Variants in LPAR1 observed in about 807,000 individuals in gnomAD.
The protein encoded by LPAR1 is LPA receptor 1.
Under a neutral mutation model 23.8 loss-of-function variants are expected in LPAR1, and 5 were observed. That is an observed-to-expected ratio of 0.21 (90% CI 0.11 to 0.44). LPAR1 has a LOEUF of 0.44. Among genes scored for constraint, LPAR1 ranks in the 20% least tolerant of loss-of-function variants. LPAR1 has a pLI of 0.99. For synonymous variants in LPAR1, 160 were observed against 164.7 expected, an observed-to-expected ratio of 0.97 and a Z score of 0.22; for missense variants, 311 against 482.8, an observed-to-expected ratio of 0.64 and a Z score of 3.33.
chr9:110,987,631 TG>T (rs1264881843), intron 2 of LPAR1, among the ~76,000 whole-genome samples: 1 of 150,686 alleles, frequency 6.6e-6, no homozygotes, highest in Non-Finnish European at 1.5e-5. Context: ...GAGAACCCAT[TG>T]GGCAGTTACA....
intron 5 of LPAR1, among the ~76,000 whole-genome samples, chr9:110,895,152 A>T (rs868453310): frequency 2.8e-4 from 43 of 152,364 alleles, no homozygotes; most frequent in Middle Eastern, 3.4e-3. Context: ...ACTATCCTTC[A>T]AGTAGAGGGG....
rs538609818 is a variant in LPAR1 at position 110,879,181 on chromosome 9, C to T, written c.794-3459G>A. Among the ~76,000 whole-genome samples, 4 of 152,136 alleles carry T rather than the reference C, an allele frequency of 2.6e-5. No individual in the cohort carries two copies. The South Asian group carries it at 6.2e-4, about 24-fold the overall frequency. ...CCTGTAATCCTAGCACTTTGGGAGG[C>T]CGAGGTGGGTGGATCACCTGAGGTC... On this transcript the variant is annotated intron_variant, in intron 5 of 5. Transcript: ENST00000683809.
chr9:110,963,430 G>A lies in LPAR1; in HGVS notation c.45+8643C>T, dbSNP rs569605105. Among the ~76,000 whole-genome samples, 35 of 152,318 alleles carry A rather than the reference G, an allele frequency of 2.3e-4. No individual in the cohort carries two copies. The South Asian group carries it at 7.1e-3, about 31-fold the overall frequency. ...CATTTATTCCTGGCAATACGTTGGAGTTTTCCATAGAGTGTTTATCCAACG... is the reference window on the plus strand; with the variant it reads ...CATTTATTCCTGGCAATACGTTGGAATTTTCCATAGAGTGTTTATCCAACG... On this transcript the variant is annotated intron_variant, in intron 4 of 5. Transcript: ENST00000683809.
At chr9:110,888,416 T>C (rs1200565959) in intron 5 of LPAR1, among the ~76,000 whole-genome samples, 10 of 152,080 alleles carry the variant, frequency 6.6e-5, no homozygotes, top group Admixed American at 2.0e-4. Flanking sequence ...TCATCAGTTC[T>C]TTTTTTCCCC....
intron 5 of LPAR1, among the ~76,000 whole-genome samples, chr9:110,884,254 G>A (rs1354149250): frequency 6.6e-6 from 1 of 152,032 alleles, no homozygotes; most frequent in African/African-American, 2.4e-5. Flanking sequence ...CTCTCTTCCT[G>A]GGATGTTACC....
intron 2 of LPAR1, among the ~76,000 whole-genome samples, chr9:110,997,740 C>T (rs80139708): frequency 0.019 from 2,953 of 152,212 alleles, 102 homozygotes; most frequent in African/African-American, 0.068. Flanking sequence ...CTAGAACAAA[C>T]GTATTATATT....
At chr9:110,906,489 C>T (rs1317037215) in intron 5 of LPAR1, among the ~76,000 whole-genome samples, 2 of 152,142 alleles carry the variant, frequency 1.3e-5, no homozygotes, top group African/African-American at 2.4e-5. Flanking sequence ...GCAAGCTCAT[C>T]TTTTCATTTT....
chr9:111,018,433 C>T (rs1043415872), intron 2 of LPAR1, among the ~76,000 whole-genome samples: 3 of 152,130 alleles, frequency 2.0e-5, no homozygotes, highest in South Asian at 4.1e-4. Context: ...CAAAAATAGG[C>T]TTGCAAAGAT....
intron 5 of LPAR1, among the ~76,000 whole-genome samples, chr9:110,938,897 T>C (rs2094905438): frequency 1.3e-5 from 2 of 151,874 alleles, no homozygotes; most frequent in Non-Finnish European, 2.9e-5. Context: ...AAAGAATGGG[T>C]ATAAATATAA....
intron 5 of LPAR1, among the ~76,000 whole-genome samples, chr9:110,915,906 CT>C (rs748804181): frequency 4.4e-4 from 67 of 152,290 alleles, no homozygotes; most frequent in Non-Finnish European, 8.4e-4. Context: ...TTACTTCTCA[CT>C]TCTGTCAATA....
chr9:110,898,958 G>C (rs536351450), intron 5 of LPAR1, among the ~76,000 whole-genome samples: 1 of 152,288 alleles, frequency 6.6e-6, no homozygotes, highest in East Asian at 1.9e-4. Context: ...ATCATATAAA[G>C]TAACAGATTT....
intron 5 of LPAR1, among the ~76,000 whole-genome samples, chr9:110,882,399 A>G (rs2081128116): frequency 6.6e-6 from 1 of 152,226 alleles, no homozygotes; most frequent in African/African-American, 2.4e-5. Flanking sequence ...AAGAAAAATT[A>G]ATAAGTAGAA....
At chr9:110,892,669 G>GAA (rs2084632658) in intron 5 of LPAR1, among the ~76,000 whole-genome samples, 1 of 143,348 alleles carries the variant, frequency 7.0e-6, no homozygotes, top group African/African-American at 2.6e-5. Context: ...AAGAAAGAAA[G>GAA]AGAGAGAGAG....
intron 2 of LPAR1, among the ~76,000 whole-genome samples, chr9:111,019,634 G>A (rs748411166): frequency 1.6e-4 from 24 of 151,780 alleles, no homozygotes; most frequent in Non-Finnish European, 2.6e-4. Context: ...ACAGGAGATC[G>A]AGACCATCCT....
intron 5 of LPAR1, among the ~76,000 whole-genome samples, chr9:110,940,085 A>G (rs2094987118): frequency 6.6e-6 from 1 of 152,206 alleles, no homozygotes; most frequent in African/African-American, 2.4e-5. Flanking sequence ...ATTGGATGCA[A>G]TAAGACAATC....
intron 5 of LPAR1, among the ~76,000 whole-genome samples, chr9:110,898,705 T>C (rs10119345): frequency 0.27 from 41,109 of 152,138 alleles, 8,483 homozygotes; most frequent in African/African-American, 0.58. Context: ...AGGCCTCAAA[T>C]TCCTCATCTA....
At chr9:110,919,948 T>A (rs960714180) in intron 5 of LPAR1, among the ~76,000 whole-genome samples, 1 of 152,188 alleles carries the variant, frequency 6.6e-6, no homozygotes, top group South Asian at 2.1e-4. Context: ...ACGTAGTTGT[T>A]CTCCCTTCAC....
At chr9:110,954,941 C>G (rs367903409) in intron 4 of LPAR1, among the ~76,000 whole-genome samples, 5 of 152,110 alleles carry the variant, frequency 3.3e-5, no homozygotes, top group African/African-American at 1.2e-4. Flanking sequence ...AGCAAACACA[C>G]AAATGAGGAA....
intron 5 of LPAR1, among the ~76,000 whole-genome samples, chr9:110,914,615 G>C (rs1461008381): frequency 1.3e-5 from 2 of 152,180 alleles, no homozygotes; most frequent in East Asian, 3.9e-4. Context: ...AAAATCTCTA[G>C]AACAATTCTG....
Sources: allele counts gnomAD v4.1 joint callset (sites outside exome capture counted in the v4.1 genomes callset), GRCh38; gene constraint gnomAD v4.1.1; transcripts MANE v1.5; gene names NCBI Gene and HGNC (gene_info 2026-07-23, HGNC 2026-07-21).